Variants in CACNA1C observed in about 807,000 individuals in gnomAD.
CACNA1C encodes voltage-dependent L-type calcium channel subunit alpha-1C.
CACNA1C carries 30 observed loss-of-function variants against 229.0 expected under a neutral mutation model. The observed-to-expected ratio is 0.13, with a 90% confidence interval of 0.10 to 0.18. CACNA1C has a LOEUF of 0.18. Among genes scored for constraint, CACNA1C ranks in the 10% least tolerant of loss-of-function variants. CACNA1C has a pLI of 1.00. For missense variants in CACNA1C, 1,658 were observed against 2,845.0 expected, an observed-to-expected ratio of 0.58 and a Z score of 9.49; for synonymous variants, 1,114 against 1,132.5, an observed-to-expected ratio of 0.98 and a Z score of 0.33.
chr12:2,123,591 C>T (rs76683220), intron 3 of CACNA1C, among the ~76,000 whole-genome samples: 5,048 of 152,072 alleles, frequency 0.033, 259 homozygotes, highest in African/African-American at 0.11. Context: ...ACCACACGAC[C>T]CTGTCCCCCT....
intron 9 of CACNA1C, among the ~76,000 whole-genome samples, chr12:2,514,108 C>G (rs1472731770): frequency 1.3e-5 from 2 of 152,192 alleles, no homozygotes; most frequent in African/African-American, 4.8e-5. Flanking sequence ...GGTTAAAGAG[C>G]CATCCAGGGC....
At chr12:2,481,489 T>A (rs1212778437) in intron 5 of CACNA1C, among the ~76,000 whole-genome samples, 1 of 152,228 alleles carries the variant, frequency 6.6e-6, no homozygotes, top group Admixed American at 6.5e-5. Flanking sequence ...AGGAAATCCA[T>A]GTCTGCCGGC....
chr12:2,051,439 G>A (rs990483555), upstream of CACNA1C, among the ~76,000 whole-genome samples: 1 of 152,190 alleles, frequency 6.6e-6, no homozygotes, highest in Non-Finnish European at 1.5e-5. Context: ...TTGAGCAGAG[G>A]AGTGCTGGGA....
At position 2,130,420 on chromosome 12, in the gene CACNA1C, ATTAGGTATATCTCC is replaced by A. The variant is rs1342316628; in HGVS notation, c.477+9991_477+10004del. Among the ~76,000 whole-genome samples the A allele has an allele frequency of 5.3e-5, 7 of 132,884 alleles. No individual in the cohort carries two copies. In the South Asian group the frequency reaches 1.9e-3, roughly 36 times the overall value. 87.2% of individuals were successfully genotyped at this position (132,884 alleles called of 152,430 possible). A position where few individuals can be genotyped will look rare whatever the true frequency, so the allele number is the denominator to read the frequency against. The stretch of plus-strand genomic sequence containing the variant: ...TGCACCCACTAACTCATCATCTAGC[ATTAGGTATATCTCC>A]CAATGCTATCCCTCCCCCCTCCCCC... On this transcript the variant is annotated intron_variant, in intron 3 of 46. Coordinates refer to ENST00000399655, the MANE Select transcript of CACNA1C (RefSeq NM_000719.7).
At chr12:2,213,553 C>T (rs1302203315) in intron 3 of CACNA1C, among the ~76,000 whole-genome samples, 1 of 152,176 alleles carries the variant, frequency 6.6e-6, no homozygotes, top group African/African-American at 2.4e-5. Flanking sequence ...TCTCCTAGTT[C>T]GCTGCTACCT....
chr12:2,486,046 T>C lies in CACNA1C; in HGVS notation c.758-58T>C. ...AGAGTTGCTGGAAGATTGCATGAGA[T>C]GGCGTCAGCACGGTACCGCGGTGAT... On this transcript the variant is annotated intron_variant, in intron 5 of 46. Coordinates refer to ENST00000399655, the MANE Select transcript of CACNA1C (RefSeq NM_000719.7). This position sits in a 1 kb window ranked among gnomAD's most constrained non-coding sequence, Gnocchi z 4.9. The C allele has an allele frequency of 7.2e-7, 1 of 1,380,064 alleles. No individual in the cohort carries two copies. The highest frequency in any genetic ancestry group is 9.7e-7 in the Non-Finnish European group (1 of 1,025,912). The allele number at this position is 1,380,064 out of a possible 1,614,324, so 85.5% of individuals were successfully genotyped here.
intron 29 of CACNA1C, among the ~76,000 whole-genome samples, chr12:2,619,929 A>G (rs1246084097): frequency 6.6e-6 from 1 of 151,458 alleles, no homozygotes; most frequent in Non-Finnish European, 1.5e-5. Flanking sequence ...TCCCCAGTTC[A>G]CCCTCTCATT....
intron 2 of CACNA1C, among the ~76,000 whole-genome samples, chr12:2,119,131 GC>G (rs2085336537): frequency 6.6e-6 from 1 of 152,200 alleles, no homozygotes; most frequent in Non-Finnish European, 1.5e-5. Flanking sequence ...TCATTAACTT[GC>G]TGTGGGGCCT....
At chr12:1,982,845 T>C (rs942297991) in intron 1 of CACNA1C, among the ~76,000 whole-genome samples, 5 of 152,166 alleles carry the variant, frequency 3.3e-5, no homozygotes, top group Non-Finnish European at 5.9e-5. Context: ...CTGAAAGAGA[T>C]TGTATAGAAT....
chr12:2,259,178 T>G lies in CACNA1C; in HGVS notation c.477+138748T>G, dbSNP rs572884982. Reference sequence around the variant, plus strand: ...TGGCCCTGAACCAGCTGCATCAAAATCACCTGGGAACCTACTAGAAGTGCC... The same window carrying G: ...TGGCCCTGAACCAGCTGCATCAAAAGCACCTGGGAACCTACTAGAAGTGCC... On this transcript the variant is annotated intron_variant, in intron 3 of 46. Coordinates refer to ENST00000399655, the MANE Select transcript of CACNA1C (RefSeq NM_000719.7). 5.3e-5 allele frequency among the ~76,000 whole-genome samples: 8 copies of G among 152,246 alleles called. No individual in the cohort carries two copies. In the South Asian group the frequency reaches 1.5e-3, roughly 28 times the overall value.
intron 1 of CACNA1C, among the ~76,000 whole-genome samples, chr12:2,028,139 A>C (rs973947339): frequency 5.9e-5 from 9 of 152,226 alleles, no homozygotes; most frequent in Non-Finnish European, 1.3e-4. Context: ...CAGTATTTGA[A>C]TTTAAGGTTT....
intron 3 of CACNA1C, among the ~76,000 whole-genome samples, chr12:2,127,551 A>G (rs1341653362): frequency 6.6e-6 from 1 of 152,238 alleles, no homozygotes. Context: ...CAAACCACAT[A>G]GCTACTGTAT....
intron 7 of CACNA1C, among the ~76,000 whole-genome samples, chr12:2,501,043 TTAAAAAA>T (rs1303491523): frequency 7.0e-6 from 1 of 142,948 alleles, no homozygotes; most frequent in Non-Finnish European, 1.6e-5. Flanking sequence ...CGTCTCTACT[TTAAAAAA>T]AAAAAAAAAT....
intron 9 of CACNA1C, among the ~76,000 whole-genome samples, chr12:2,546,032 G>A (rs2099880235): frequency 6.6e-6 from 1 of 152,150 alleles, no homozygotes; most frequent in Admixed American, 6.5e-5. Flanking sequence ...TGCAGTGGCT[G>A]GTGTCTTCAC....
chr12:2,030,171 G>T (rs960820951), intron 1 of CACNA1C, among the ~76,000 whole-genome samples: 1 of 152,158 alleles, frequency 6.6e-6, no homozygotes, highest in African/African-American at 2.4e-5. Flanking sequence ...TGTTAATGAG[G>T]TGAATTTCTT....
At position 2,697,167 on chromosome 12, in the gene CACNA1C, A is replaced by C. The variant is rs184753996; in HGVS notation, c.*5968A>C. 1,087 of 149,652 alleles carry C rather than the reference A, an allele frequency of 7.3e-3. 11 individuals carry two copies. The highest frequency in any genetic ancestry group is 0.01 in the Middle Eastern group (3 of 296). The allele number at this position is 149,652 out of a possible 1,614,324, so 9.3% of individuals were successfully genotyped here. On this transcript the variant is annotated 3_prime_UTR_variant, in exon 47 of 47. Coordinates refer to ENST00000399655, the MANE Select transcript of CACNA1C (RefSeq NM_000719.7). ...CCACCTATGCATCCAGCTGCAGCCC[A>C]TACCCACACCTGAAATCCATCTCTT...
intron 3 of CACNA1C, among the ~76,000 whole-genome samples, chr12:2,336,747 G>A (rs1034369638): frequency 8.5e-5 from 13 of 152,108 alleles, no homozygotes; most frequent in African/African-American, 3.1e-4. Flanking sequence ...CTCCTCTTTA[G>A]GGGCCCTCTA....
chr12:2,371,352 C>T (rs983127812), intron 3 of CACNA1C, among the ~76,000 whole-genome samples: 2 of 152,164 alleles, frequency 1.3e-5, no homozygotes, highest in Admixed American at 6.5e-5. Flanking sequence ...TCTGCAGTCC[C>T]ATCATTGACT....
chr12:2,679,805 G>A lies in CACNA1C; in HGVS notation c.5444+9G>A. ...AAGCTCAGCTCCAACAGGTAAGTGG[G>A]AGGCTGGCCACCCCAGGCGGCACAC... On this transcript the variant is annotated intron_variant, in intron 42 of 46. Transcript: ENST00000399655. The surrounding 1 kb of genome is among the most constrained non-coding windows in gnomAD (Gnocchi z 5.5). 1.3e-6 allele frequency: 2 copies of A among 1,540,574 alleles called. No homozygotes were observed. The highest frequency in any genetic ancestry group is 1.8e-6 in the Non-Finnish European group (2 of 1,137,634).
Sources: gnomAD v4.1 joint callset for allele counts (sites outside exome capture counted in the v4.1 genomes callset) on GRCh38, gnomAD v4.1.1 for gene constraint, Gnocchi (gnomAD v3.1) non-coding constraint, MANE v1.5 for transcripts, NCBI Gene and HGNC (gene_info 2026-07-23, HGNC 2026-07-21) for gene names.